PDE3A: variants seen among roughly 807,000 people sequenced by gnomAD.
PDE3A encodes cGMP-inhibited 3',5'-cyclic phosphodiesterase 3A.
PDE3A carries 43 observed loss-of-function variants against 98.3 expected under a neutral mutation model. The observed-to-expected ratio is 0.44, with a 90% CI of 0.34 to 0.56. The LOEUF (loss-of-function observed/expected upper bound fraction) is 0.56, where lower values mean the gene tolerates loss of function less well. PDE3A is among the 20% of genes least tolerant of loss of function. The pLI is 0.01. For synonymous variants in PDE3A, 663 were observed against 567.9 expected (o/e 1.17, Z -2.38); for missense variants, 1,427 against 1,440.7 (o/e 0.99, Z 0.15).
intron 1 of PDE3A, among the ~76,000 whole-genome samples, chr12:20,465,296 C>T (rs770593540): frequency 6.6e-5 from 10 of 152,156 alleles, no homozygotes; most frequent in African/African-American, 1.2e-4. Flanking sequence ...GGATTACACA[C>T]GCTCATTCAC....
intron 15 of PDE3A, among the ~76,000 whole-genome samples, chr12:20,675,034 C>G (rs1003371990): frequency 8.6e-5 from 13 of 151,792 alleles, no homozygotes; most frequent in Admixed American, 7.2e-4. Flanking sequence ...TATTAGGTTG[C>G]TTATTTGAAA....
intron 1 of PDE3A, among the ~76,000 whole-genome samples, chr12:20,393,252 C>T (rs1439187864): frequency 1.3e-5 from 2 of 151,892 alleles, no homozygotes; most frequent in Admixed American, 6.6e-5. Flanking sequence ...GCCTCACAAT[C>T]ATGGCAGAAG....
chr12:20,678,777 G>T (rs1488472576), intron 15 of PDE3A, among the ~76,000 whole-genome samples: 1 of 152,158 alleles, frequency 6.6e-6, no homozygotes, highest in Non-Finnish European at 1.5e-5. Context: ...CTCAGGGGAG[G>T]ACTCAGGCCC....
chr12:20,553,981 G>GT (rs376885475), intron 1 of PDE3A, among the ~76,000 whole-genome samples: 1,715 of 145,486 alleles, frequency 0.012, 51 homozygotes, highest in East Asian at 0.086. Context: ...TTACAAGAGG[G>GT]TTTTTTTTTT....
chr12:20,571,454 C>A (rs1407278911), intron 2 of PDE3A, among the ~76,000 whole-genome samples: 2 of 152,144 alleles, frequency 1.3e-5, no homozygotes, highest in Non-Finnish European at 2.9e-5. Flanking sequence ...ACAACACTCA[C>A]AACTGCATAC....
chr12:20,565,889 C>T (rs4525288), intron 2 of PDE3A, among the ~76,000 whole-genome samples: 36,815 of 151,722 alleles, frequency 0.24, 4,812 homozygotes, highest in South Asian at 0.36. Flanking sequence ...AACTAAAATA[C>T]TGTTTAATAG....
At chr12:20,633,574 A>G (rs1944430674) in intron 6 of PDE3A, 119 bp from the exon 7 acceptor site, 2 of 521,666 alleles carry the variant, frequency 3.8e-6, no homozygotes, top group Non-Finnish European at 6.8e-6. Context: ...CAAAACAAAT[A>G]AGCAGAAGGT....
chr12:20,528,521 GT>G (rs993064723), intron 1 of PDE3A, among the ~76,000 whole-genome samples: 2 of 152,176 alleles, frequency 1.3e-5, no homozygotes, highest in African/African-American at 4.8e-5. Flanking sequence ...TTTTAGCATG[GT>G]TCTTTGCAAC....
At chr12:20,416,379 A>G (rs1277543356) in intron 1 of PDE3A, among the ~76,000 whole-genome samples, 2 of 152,234 alleles carry the variant, frequency 1.3e-5, no homozygotes, top group African/African-American at 4.8e-5. Context: ...CAAATTTAAG[A>G]CATGAATGGA....
At chr12:20,642,581 C>A (rs1319058610) in intron 10 of PDE3A, among the ~76,000 whole-genome samples, 2 of 152,136 alleles carry the variant, frequency 1.3e-5, no homozygotes, top group African/African-American at 4.8e-5. Flanking sequence ...CAAAGAGTTT[C>A]CTCTCTAAAG....
At chr12:20,676,700 C>T (rs909672859) in intron 15 of PDE3A, among the ~76,000 whole-genome samples, 1 of 151,972 alleles carries the variant, frequency 6.6e-6, no homozygotes, top group Non-Finnish European at 1.5e-5. Context: ...GGAGTTTCAC[C>T]GTGTTAGGCA....
chr12:20,468,730 CTTAAGAA>C (rs1263562029), intron 1 of PDE3A, among the ~76,000 whole-genome samples: 2 of 152,076 alleles, frequency 1.3e-5, no homozygotes, highest in East Asian at 3.8e-4. Context: ...AAAACAAGTC[CTTAAGAA>C]TTGTTTGTTC....
At chr12:20,652,248 T>C (rs1384235255) in intron 14 of PDE3A, among the ~76,000 whole-genome samples, 1 of 152,238 alleles carries the variant, frequency 6.6e-6, no homozygotes, top group Non-Finnish European at 1.5e-5. Context: ...TGTGTCTTTA[T>C]AGCAGCATGA....
At chr12:20,407,751 G>A (rs1023611712) in intron 1 of PDE3A, among the ~76,000 whole-genome samples, 1 of 151,790 alleles carries the variant, frequency 6.6e-6, no homozygotes, top group African/African-American at 2.4e-5. Context: ...ACTATTTCCA[G>A]TTGGCTTTCA....
At chr12:20,497,129 A>G (rs990528516) in intron 1 of PDE3A, among the ~76,000 whole-genome samples, 15 of 152,282 alleles carry the variant, frequency 9.9e-5, no homozygotes, top group East Asian at 5.8e-4. Context: ...GAAAACTGTA[A>G]GTAGTTGTGC....
At chr12:20,553,058 G>T (rs1448839889) in intron 1 of PDE3A, 2 of 1,183,978 alleles carry the variant, frequency 1.7e-6, no homozygotes, top group African/African-American at 3.0e-5. Flanking sequence ...CGTGTCGGAG[G>T]GCTCGTTCAT....
chr12:20,503,995 G>A (rs1946069553), intron 1 of PDE3A, among the ~76,000 whole-genome samples: 1 of 151,970 alleles, frequency 6.6e-6, no homozygotes, highest in African/African-American at 2.4e-5. Flanking sequence ...TCTAAATTTA[G>A]GGATTGTTCA....
intron 1 of PDE3A, among the ~76,000 whole-genome samples, chr12:20,548,996 A>G (rs7308418): frequency 0.47 from 70,649 of 151,814 alleles, 18,230 homozygotes; most frequent in South Asian, 0.59. Flanking sequence ...TCACACATCA[A>G]GAAAGGGCTA....
At chr12:20,532,277 T>C (rs2121190385) in intron 1 of PDE3A, among the ~76,000 whole-genome samples, 1 of 152,308 alleles carries the variant, frequency 6.6e-6, no homozygotes, top group Non-Finnish European at 1.5e-5. Context: ...TAGGCATTTG[T>C]CTTATTTAAC....
Sources: gnomAD v4.1 joint callset for allele counts (sites outside exome capture counted in the v4.1 genomes callset) on GRCh38, gnomAD v4.1.1 for gene constraint, MANE v1.5 for transcripts, NCBI Gene and HGNC (gene_info 2026-07-23, HGNC 2026-07-21) for gene names.